The following DGKI variants were observed in gnomAD, a reference collection of about 807,000 sequenced individuals.
The protein encoded by DGKI is DAG kinase iota.
In DGKI, 55 loss-of-function variants were observed where a neutral mutation model predicts 147.5. The ratio of observed to expected loss-of-function variants is 0.37; its 90% CI spans 0.30 to 0.47. The LOEUF (loss-of-function observed/expected upper bound fraction) is 0.47, where lower values mean the gene tolerates loss of function less well. Ranked by LOEUF, DGKI falls within the 20% of genes least tolerant of loss-of-function variation. The pLI is 1.00. For missense variants in DGKI, 1,007 were observed against 1,323.8 expected, an observed-to-expected ratio of 0.76 and a Z score of 3.71; for synonymous variants, 469 against 477.1, an observed-to-expected ratio of 0.98 and a Z score of 0.22.
Position 137,846,538 on chromosome 7 carries a change from C to A in DGKI, c.325G>T (p.Ala109Ser). 6.4e-7 allele frequency: 1 copy of A among 1,550,794 alleles called. No homozygotes were observed. Among genetic ancestry groups the A allele is most frequent in the Non-Finnish European group, 8.7e-7 (1 of 1,152,078 alleles). Residue 109 changes from alanine to serine, a missense_variant, in exon 1 of 33, where the codon GCC becomes TCC. By Grantham distance (99) the Ala-to-Ser change is moderately conservative. This residue lies in a region of DGKI where 259 missense variants were observed against 362.5 expected (regional missense o/e 0.71). Coordinates refer to ENST00000614521, the MANE Select transcript of DGKI (RefSeq NM_001321708.2). This position sits in a 1 kb window ranked among gnomAD's most constrained non-coding sequence, Gnocchi z 4.0. ...GAAALDEPAA[A>S]GQKEKDEALE... ...GCTTCGTCCTTCTCCTTCTGGCCGG[C>A]GGCCGCGGGCTCGTCCAGGGCAGCG... is the stretch of plus-strand genomic sequence containing the variant.
chr7:137,642,924 G>A (rs918273369), intron 6 of DGKI, among the ~76,000 whole-genome samples: 56 of 137,158 alleles, frequency 4.1e-4, no homozygotes, highest in Admixed American at 1.1e-3. Context: ...AGTAAATTAT[G>A]GAATAGTGTG....
At chr7:137,513,342 T>C (rs996124400) in intron 21 of DGKI, among the ~76,000 whole-genome samples, 1 of 152,268 alleles carries the variant, frequency 6.6e-6, no homozygotes, top group Non-Finnish European at 1.5e-5. Flanking sequence ...GCACTGCTCC[T>C]GCATTTGGCC....
chr7:137,609,499 T>C, intron 9 of DGKI, 36 bp downstream of exon 9: 2 of 1,526,562 alleles, frequency 1.3e-6, no homozygotes, highest in Non-Finnish European at 1.8e-6. Flanking sequence ...GGAAAGAAAG[T>C]GGAAATTCCT....
chr7:137,426,618 A>G (rs1420229751), intron 28 of DGKI, among the ~76,000 whole-genome samples: 1 of 147,470 alleles, frequency 6.8e-6, no homozygotes, highest in Non-Finnish European at 1.5e-5. Flanking sequence ...CTGGATAAAG[A>G]CTCAAGACCC....
chr7:137,532,461 T>C (rs1369414798), intron 20 of DGKI, among the ~76,000 whole-genome samples: 3 of 152,208 alleles, frequency 2.0e-5, no homozygotes, highest in Admixed American at 2.0e-4. Flanking sequence ...CAGAATTGTT[T>C]GTTTTTCTTC....
At position 137,545,764 on chromosome 7, in the gene DGKI, G is replaced by A. The variant is rs140846827; in HGVS notation, c.2147+6605C>T. The A allele has an allele frequency of 1.0e-3, 506 of 505,262 alleles. 4 individuals carry two copies. The highest frequency in any genetic ancestry group is 8.8e-3 in the African/African-American group (459 of 52,036). The allele number at this position is 505,262 out of a possible 1,614,324, so 31.3% of individuals were successfully genotyped here. Reference sequence around the variant, plus strand: ...ACAGCTCCATTTCAAATCAAAGAGGGCAACAGAAAGCAATTCTGGTGAGGT... The same window carrying A: ...ACAGCTCCATTTCAAATCAAAGAGGACAACAGAAAGCAATTCTGGTGAGGT... On this transcript the variant is annotated intron_variant, in intron 20 of 32. Transcript: ENST00000614521.
intron 21 of DGKI, among the ~76,000 whole-genome samples, chr7:137,504,382 G>T (rs188442647): frequency 6.6e-6 from 1 of 152,298 alleles, no homozygotes; most frequent in Non-Finnish European, 1.5e-5. Flanking sequence ...ATAAGAACGT[G>T]TGATACCTTA....
chr7:137,509,447 A>T (rs749459785), intron 21 of DGKI, among the ~76,000 whole-genome samples: 3 of 152,280 alleles, frequency 2.0e-5, no homozygotes, highest in Non-Finnish European at 4.4e-5. Context: ...CTCTGTGGCC[A>T]GTTGGATGGG....
chr7:137,562,244 T>C (rs1276445570), intron 19 of DGKI, among the ~76,000 whole-genome samples: 2 of 152,034 alleles, frequency 1.3e-5, no homozygotes, highest in African/African-American at 4.8e-5. Context: ...GAAGTAAGAG[T>C]ATAAGGTAAT....
chr7:137,543,919 T>C (rs1034191238), intron 20 of DGKI, among the ~76,000 whole-genome samples: 2 of 152,216 alleles, frequency 1.3e-5, no homozygotes, highest in African/African-American at 4.8e-5. Context: ...TATAGTTTTA[T>C]TAACTGATTT....
At chr7:137,477,949 C>G (rs1027403426) in intron 23 of DGKI, among the ~76,000 whole-genome samples, 1 of 152,230 alleles carries the variant, frequency 6.6e-6, no homozygotes, top group African/African-American at 2.4e-5. Context: ...GCATGAGCCA[C>G]TGCGCCCAGC....
rs971924977 is a variant in DGKI, at chr7:137,618,477, C to G, written c.993+1347G>C. ...ATCTTCTTCATGAAGCCCTCCCCCC[C>G]ACTTCATAACAAGACTCTTAAGAGT... On this transcript the variant is annotated intron_variant, in intron 8 of 32. Transcript: ENST00000614521. Among the ~76,000 whole-genome samples the G allele has an allele frequency of 7.3e-5, 11 of 150,108 alleles. No homozygotes were observed. In the South Asian group the frequency reaches 1.3e-3, roughly 17 times the overall value.
chr7:137,462,684 C>T (rs1814492953), intron 27 of DGKI, among the ~76,000 whole-genome samples: 1 of 152,162 alleles, frequency 6.6e-6, no homozygotes. Flanking sequence ...GGTTACAAGG[C>T]CATTGTCATT....
chr7:137,518,389 C>A (rs1350139560), intron 21 of DGKI, among the ~76,000 whole-genome samples: 1 of 152,008 alleles, frequency 6.6e-6, no homozygotes, highest in Non-Finnish European at 1.5e-5. Flanking sequence ...TCCATTAGGG[C>A]AAATGCTTAA....
chr7:137,812,180 T>G (rs1050473869), intron 1 of DGKI, among the ~76,000 whole-genome samples: 1 of 152,214 alleles, frequency 6.6e-6, no homozygotes, highest in Non-Finnish European at 1.5e-5. Context: ...TTCATAATGA[T>G]TATTCATAGT....
intron 14 of DGKI, among the ~76,000 whole-genome samples, chr7:137,584,564 G>A (rs778117774): frequency 3.9e-5 from 6 of 152,242 alleles, no homozygotes; most frequent in African/African-American, 4.8e-5. Context: ...GGGAAGGAGA[G>A]GGGCAAGGAT....
chr7:137,792,119 G>A (rs1796872978), intron 1 of DGKI, among the ~76,000 whole-genome samples: 1 of 152,180 alleles, frequency 6.6e-6, no homozygotes, highest in Admixed American at 6.5e-5. Flanking sequence ...GAACACAAAT[G>A]TCGACTGAGC....
intron 32 of DGKI, among the ~76,000 whole-genome samples, chr7:137,391,724 A>T (rs946335975): frequency 6.6e-6 from 1 of 152,194 alleles, no homozygotes; most frequent in South Asian, 2.1e-4. Context: ...TACTGAATTT[A>T]AAAAATAGGG....
Position 137,426,086 on chromosome 7 carries a change from G to A in DGKI, c.2762-13879C>T, listed in dbSNP as rs573264392. 1.4e-3 allele frequency among the ~76,000 whole-genome samples: 218 copies of A among 152,170 alleles called. 1 individual carries two copies. The highest frequency in any genetic ancestry group is 4.7e-3 in the African/African-American group (195 of 41,508). On this transcript the variant is annotated intron_variant, in intron 28 of 32. Transcript: ENST00000614521. ...ACTCCTCGAGAAGAGCAACTCCAAG[G>A]CACATAATTGTCAGATTCACCGAAG...
Sources: gnomAD v4.1 joint callset for allele counts (sites outside exome capture counted in the v4.1 genomes callset) on GRCh38, gnomAD v4.1.1 for gene constraint, gnomAD v4.1.1 regional missense constraint, Gnocchi (gnomAD v3.1) non-coding constraint, MANE v1.5 for transcripts, NCBI Gene and HGNC (gene_info 2026-07-23, HGNC 2026-07-21) for gene names.